DUSP13A: variants seen among roughly 807,000 people sequenced by gnomAD.
The protein encoded by DUSP13A is dual specificity protein phosphatase 13A.
the DUSP13A span, chr10:75,108,294 A>G: frequency 1.8e-4 from 273 of 1,504,978 alleles, 1 homozygote; most frequent in Non-Finnish European, 3.8e-5. Context: ...CTGCAGAGGG[A>G]CCGAGCCATT....
chr10:75,108,128 A>G, the DUSP13A span: 2 of 1,613,638 alleles, frequency 1.2e-6, no homozygotes, highest in Middle Eastern at 1.7e-4. Context: ...GGCCGCCCTG[A>G]CAGTAGAGGC....
chr10:75,105,719 G>A, the DUSP13A span: 1 of 1,554,012 alleles, frequency 6.4e-7, no homozygotes, highest in Admixed American at 1.9e-5. Context: ...CAGAGCTGGT[G>A]CAGGAAGCCT....
At chr10:75,108,376 C>T in the DUSP13A span, 2 of 1,308,660 alleles carry the variant, frequency 1.5e-6, no homozygotes, top group Admixed American at 3.1e-5. Context: ...ACCCAGAGCC[C>T]CGCACTTTCT....
At chr10:75,107,964 G>C in the DUSP13A span, 2 of 1,591,800 alleles carry the variant, frequency 1.3e-6, no homozygotes, top group Non-Finnish European at 1.7e-6. Flanking sequence ...GAGCAAGATG[G>C]GATATGGGCT....
At chr10:75,105,837 C>T in the DUSP13A span, 2 of 1,550,592 alleles carry the variant, frequency 1.3e-6, no homozygotes, top group Non-Finnish European at 1.7e-6. Context: ...CAGAGCGGCT[C>T]ACGCCCACCA....
At chr10:75,106,393 A>G in the DUSP13A span, among the ~76,000 whole-genome samples, 5 of 151,736 alleles carry the variant, frequency 3.3e-5, no homozygotes, top group African/African-American at 1.2e-4. Flanking sequence ...TGCTATTCCA[A>G]ATACCTGCAA....
chr10:75,105,783 G>A, the DUSP13A span: 1 of 1,551,268 alleles, frequency 6.4e-7, no homozygotes, highest in Admixed American at 2.0e-5. Context: ...CCTGGCGCAG[G>A]GACAGCCGCT....
At chr10:75,107,739 G>A in the DUSP13A span, among the ~76,000 whole-genome samples, 1 of 152,110 alleles carries the variant, frequency 6.6e-6, no homozygotes, top group Non-Finnish European at 1.5e-5. Flanking sequence ...ACCATGCCCG[G>A]CTAATATTTG....
At chr10:75,105,985 C>T in the DUSP13A span, 1 of 920,564 alleles carries the variant, frequency 1.1e-6, no homozygotes, top group Non-Finnish European at 1.7e-6. Context: ...TGATCCTGAG[C>T]AAGTCACTCA....
chr10:75,105,959 C>A, the DUSP13A span: 1 of 1,205,914 alleles, frequency 8.3e-7, no homozygotes, highest in Non-Finnish European at 1.2e-6. Context: ...CCTGACCCTG[C>A]CTTGGGTGCA....
the DUSP13A span, chr10:75,108,294 A>T: frequency 6.6e-7 from 1 of 1,505,100 alleles, no homozygotes; most frequent in Non-Finnish European, 8.8e-7. Context: ...CTGCAGAGGG[A>T]CCGAGCCATT....
At chr10:75,108,166 T>C in the DUSP13A span, 1 of 1,612,124 alleles carries the variant, frequency 6.2e-7, no homozygotes, top group Non-Finnish European at 8.5e-7. Context: ...AGCACGTGGG[T>C]GATGCCCAGC....
the DUSP13A span, chr10:75,109,134 C>G: frequency 6.2e-7 from 1 of 1,603,692 alleles, no homozygotes; most frequent in Non-Finnish European, 8.5e-7. Flanking sequence ...CTCCCCCCAG[C>G]TCTGGGAGAG....
chr10:75,107,645 C>T, the DUSP13A span, among the ~76,000 whole-genome samples: 2 of 152,016 alleles, frequency 1.3e-5, no homozygotes, highest in African/African-American at 2.4e-5. Flanking sequence ...GGCATGATCT[C>T]GGCTCACTGC....
chr10:75,109,019 T>C, the DUSP13A span: 5 of 1,607,974 alleles, frequency 3.1e-6, no homozygotes, highest in Admixed American at 8.4e-5. Context: ...GCATCTCCTA[T>C]GAAAAGGTTG....
chr10:75,108,204 G>A, the DUSP13A span: 14 of 1,601,364 alleles, frequency 8.7e-6, no homozygotes, highest in East Asian at 2.0e-4. Flanking sequence ...GTTGTTTGCC[G>A]TGGCCCTGGG....
chr10:75,106,438 A>G, the DUSP13A span, among the ~76,000 whole-genome samples: 1 of 151,886 alleles, frequency 6.6e-6, no homozygotes, highest in South Asian at 2.1e-4. Flanking sequence ...ACTAACTTCC[A>G]CTACTCATCC....
At chr10:75,107,949 T>C in the DUSP13A span, 2 of 1,568,526 alleles carry the variant, frequency 1.3e-6, no homozygotes, top group South Asian at 1.2e-5. Context: ...ATCCTCCCCA[T>C]GAATGAGCAA....
chr10:75,107,933 T>A, the DUSP13A span: 515 of 1,528,700 alleles, frequency 3.4e-4, no homozygotes, highest in African/African-American at 6.0e-3. Flanking sequence ...TGAGAGGAAA[T>A]GAGGCATCCT....
Sources: allele counts gnomAD v4.1 joint callset (sites outside exome capture counted in the v4.1 genomes callset), GRCh38; gene constraint gnomAD v4.1.1; transcripts MANE v1.5; gene names NCBI Gene and HGNC (gene_info 2026-07-23, HGNC 2026-07-21).